The following TRIM2 variants were observed in gnomAD, a reference collection of about 807,000 sequenced individuals.
TRIM2 encodes tripartite motif-containing protein 2.
Under a neutral mutation model 75.2 loss-of-function variants are expected in TRIM2, and 20 were observed. The ratio of observed to expected loss-of-function variants is 0.27; its 90% CI spans 0.19 to 0.39. The LOEUF (loss-of-function observed/expected upper bound fraction) is 0.39. TRIM2 is among the 10% of genes least tolerant of loss of function. The pLI, the probability that TRIM2 is intolerant of heterozygous loss-of-function variation, is 1.00. For missense variants in TRIM2, 660 were observed against 990.8 expected, an observed-to-expected ratio of 0.67 and a Z score of 4.48; for synonymous variants, 373 against 388.3, an observed-to-expected ratio of 0.96 and a Z score of 0.46.
At chr4:153,183,756 G>A (rs1210988492) in intron 1 of TRIM2, among the ~76,000 whole-genome samples, 3 of 152,170 alleles carry the variant, frequency 2.0e-5, no homozygotes, top group Non-Finnish European at 4.4e-5. Flanking sequence ...GCTTTGCTAA[G>A]GGTTAGAAAG....
At chr4:153,276,175 G>A in intron 3 of TRIM2, 45 bp downstream of exon 3, 1 of 1,531,562 alleles carries the variant, frequency 6.5e-7, no homozygotes, top group Non-Finnish European at 9.0e-7. Context: ...CATGACTACT[G>A]TGGCCTTGGG....
At chr4:153,153,508 C>T (rs189543875) in intron 1 of TRIM2, among the ~76,000 whole-genome samples, 2 of 152,198 alleles carry the variant, frequency 1.3e-5, no homozygotes, top group Admixed American at 6.5e-5. Flanking sequence ...CAGCGCCGGG[C>T]TTGGAACCGC....
chr4:153,233,832 G>C (rs994481820), intron 1 of TRIM2, among the ~76,000 whole-genome samples: 1 of 152,148 alleles, frequency 6.6e-6, no homozygotes, highest in Non-Finnish European at 1.5e-5. Context: ...ACCATTTCCT[G>C]CTGAGAGAGA....
At chr4:153,332,297 G>A (rs1771635967) in intron 11 of TRIM2, among the ~76,000 whole-genome samples, 1 of 152,190 alleles carries the variant, frequency 6.6e-6, no homozygotes, top group Non-Finnish European at 1.5e-5. Context: ...CCTAGAATAT[G>A]TAAAGATTCT....
intron 1 of TRIM2, among the ~76,000 whole-genome samples, chr4:153,268,261 A>G (rs1755781401): frequency 6.6e-6 from 1 of 152,260 alleles, no homozygotes; most frequent in African/African-American, 2.4e-5. Context: ...CAGAGGCTGC[A>G]TGGCCCCTAA....
intron 1 of TRIM2, among the ~76,000 whole-genome samples, chr4:153,168,021 T>A (rs182580826): frequency 1.0e-3 from 153 of 152,364 alleles, no homozygotes; most frequent in African/African-American, 3.3e-3. Flanking sequence ...CATTAATTAA[T>A]TCTTGGTTTA....
chr4:153,174,937 C>T (rs1731255265), intron 1 of TRIM2, among the ~76,000 whole-genome samples: 1 of 152,198 alleles, frequency 6.6e-6, no homozygotes, highest in Non-Finnish European at 1.5e-5. Context: ...ATTCGGGAGG[C>T]TTAGATGATC....
chr4:153,262,825 A>G (rs928698896), intron 1 of TRIM2, among the ~76,000 whole-genome samples: 1 of 152,236 alleles, frequency 6.6e-6, no homozygotes, highest in African/African-American at 2.4e-5. Context: ...CAAAGACAGC[A>G]TGGAGGTTAG....
intron 1 of TRIM2, among the ~76,000 whole-genome samples, chr4:153,155,388 C>T (rs913643791): frequency 2.3e-4 from 35 of 152,144 alleles, no homozygotes; most frequent in Middle Eastern, 6.8e-3. Context: ...TAATTTTGTC[C>T]ACTGTACTTT....
intron 1 of TRIM2, among the ~76,000 whole-genome samples, chr4:153,223,627 A>T (rs879864505): frequency 6.6e-6 from 1 of 152,110 alleles, no homozygotes; most frequent in Non-Finnish European, 1.5e-5. Flanking sequence ...AAAGTAGATA[A>T]AAAGCTGGGA....
rs1579254686 is a variant in TRIM2, at chr4:153,275,982, C to T, written c.305C>T (p.Ala102Val). 1.4e-5 allele frequency: 22 copies of T among 1,614,200 alleles called. No individual in the cohort carries two copies. Among genetic ancestry groups the T allele is most frequent in the Non-Finnish European group, 1.8e-5 (21 of 1,180,036 alleles). The change falls in exon 3 of 12, where the codon GCC becomes GTC. Residue 102 changes from alanine to valine, a missense_variant. Coordinates refer to ENST00000338700, the MANE Select transcript of TRIM2 (RefSeq NM_015271.5). ...QTSILPEKGV[A>V]ALQNNFFITN... Reference sequence around the variant, plus strand: ...TCCATCCTGCCCGAGAAAGGGGTGGCCGCGCTCCAGAACAATTTCTTCATC... The same window carrying T: ...TCCATCCTGCCCGAGAAAGGGGTGGTCGCGCTCCAGAACAATTTCTTCATC...
At chr4:153,240,214 G>C (rs943986389) in intron 1 of TRIM2, among the ~76,000 whole-genome samples, 1 of 152,084 alleles carries the variant, frequency 6.6e-6, no homozygotes, top group African/African-American at 2.4e-5. Context: ...TTCCTTACTT[G>C]GTTTAAATAC....
At chr4:153,192,331 G>T (rs1282754938) in intron 1 of TRIM2, among the ~76,000 whole-genome samples, 1 of 152,202 alleles carries the variant, frequency 6.6e-6, no homozygotes, top group Non-Finnish European at 1.5e-5. Context: ...TCTAGGCTGG[G>T]AGTGGTGGCT....
intron 1 of TRIM2, among the ~76,000 whole-genome samples, chr4:153,250,434 C>T (rs535830566): frequency 1.3e-5 from 2 of 152,162 alleles, no homozygotes; most frequent in South Asian, 4.1e-4. Flanking sequence ...TCAGTCTTTT[C>T]TACAAAACTA....
At chr4:153,332,368 G>T (rs1450473585) in intron 11 of TRIM2, among the ~76,000 whole-genome samples, 1 of 152,176 alleles carries the variant, frequency 6.6e-6, no homozygotes, top group Non-Finnish European at 1.5e-5. Flanking sequence ...AAGGCGGCTG[G>T]GTGCTGTGGC....
At chr4:153,245,286 C>T (rs779591868) in intron 1 of TRIM2, among the ~76,000 whole-genome samples, 4 of 152,184 alleles carry the variant, frequency 2.6e-5, no homozygotes, top group East Asian at 3.8e-4. Flanking sequence ...TTTTCATTTA[C>T]GAGGTTTTTG....
At chr4:153,251,126 G>A (rs532140070) in intron 1 of TRIM2, among the ~76,000 whole-genome samples, 3 of 152,296 alleles carry the variant, frequency 2.0e-5, no homozygotes, top group African/African-American at 7.2e-5. Context: ...ATGCTTAAGA[G>A]AAAGTCCTTT....
chr4:153,182,567 G>A (rs1290434387), intron 1 of TRIM2, among the ~76,000 whole-genome samples: 1 of 152,136 alleles, frequency 6.6e-6, no homozygotes, highest in Non-Finnish European at 1.5e-5. Flanking sequence ...TAAAAGCTGT[G>A]AGCACAGTGC....
intron 10 of TRIM2, 141 bp downstream of exon 10, chr4:153,324,289 G>A (rs762826249): frequency 5.1e-5 from 31 of 607,214 alleles, no homozygotes; most frequent in African/African-American, 1.6e-4. Flanking sequence ...CAAAGATGCC[G>A]GTTTTAACTT....
Sources: allele counts gnomAD v4.1 joint callset (sites outside exome capture counted in the v4.1 genomes callset), GRCh38; gene constraint gnomAD v4.1.1; transcripts MANE v1.5; gene names NCBI Gene and HGNC (gene_info 2026-07-23, HGNC 2026-07-21).